The following DRC9 variants were observed in gnomAD, a reference collection of about 807,000 sequenced individuals.
The protein encoded by DRC9 is dynein regulatory complex subunit 9, also known as dynein regulatory complex protein 9.
chr3:197,896,342 A>C, the DRC9 span, among the ~76,000 whole-genome samples: 5 of 130,812 alleles, frequency 3.8e-5, no homozygotes, highest in African/African-American at 1.7e-4. Flanking sequence ...AAACTCCGTT[A>C]AAAAAAAAAA....
the DRC9 span, among the ~76,000 whole-genome samples, chr3:197,938,199 C>T: frequency 6.6e-6 from 1 of 151,766 alleles, no homozygotes; most frequent in African/African-American, 2.4e-5. Flanking sequence ...CACCTGTAAT[C>T]CCAGCTCTTC....
chr3:197,892,862 T>C, the DRC9 span: 2 of 1,437,596 alleles, frequency 1.4e-6, no homozygotes, highest in South Asian at 1.2e-5. Flanking sequence ...GAACATTCCA[T>C]AGTGAGAGAA....
At chr3:197,895,442 T>C in the DRC9 span, among the ~76,000 whole-genome samples, 2 of 152,176 alleles carry the variant, frequency 1.3e-5, no homozygotes, top group Non-Finnish European at 2.9e-5. Context: ...GCTACTTTCT[T>C]GTATTTTTTG....
chr3:197,903,144 A>G, the DRC9 span, among the ~76,000 whole-genome samples: 1 of 152,202 alleles, frequency 6.6e-6, no homozygotes, highest in African/African-American at 2.4e-5. Context: ...GAATGAAACT[A>G]GACTAGACAG....
At chr3:197,918,965 C>T in the DRC9 span, among the ~76,000 whole-genome samples, 1 of 152,032 alleles carries the variant, frequency 6.6e-6, no homozygotes. Flanking sequence ...CCTGCCACTA[C>T]GCTGGGCTAA....
chr3:197,941,234 C>G, the DRC9 span, among the ~76,000 whole-genome samples: 1 of 133,180 alleles, frequency 7.5e-6, no homozygotes, highest in African/African-American at 2.8e-5. Context: ...CCCTTCCCTT[C>G]CCTCTCCCTG....
the DRC9 span, among the ~76,000 whole-genome samples, chr3:197,900,145 C>G: frequency 8.5e-5 from 13 of 152,316 alleles, no homozygotes; most frequent in African/African-American, 2.9e-4. The surrounding 1 kb of genome is among the most constrained non-coding windows in gnomAD (Gnocchi z 4.7). Context: ...CTCAGCATCT[C>G]GGGCTACGCC....
the DRC9 span, chr3:197,956,077 C>T: frequency 1.7e-3 from 621 of 373,312 alleles, 2 homozygotes; most frequent in African/African-American, 0.012. Flanking sequence ...CTCCCTTGGC[C>T]TTTGAAGTAG....
At chr3:197,895,058 T>TAA in the DRC9 span, among the ~76,000 whole-genome samples, 1 of 147,556 alleles carries the variant, frequency 6.8e-6, no homozygotes, top group African/African-American at 2.5e-5. Flanking sequence ...CCCAGTCTCT[T>TAA]AAAAAAAAAA....
chr3:197,937,313 G>C, the DRC9 span, among the ~76,000 whole-genome samples: 1 of 152,132 alleles, frequency 6.6e-6, no homozygotes, highest in Non-Finnish European at 1.5e-5. Flanking sequence ...TTAAAACACA[G>C]TTTGGAATTT....
At chr3:197,893,273 C>G in the DRC9 span, among the ~76,000 whole-genome samples, 2 of 143,088 alleles carry the variant, frequency 1.4e-5, no homozygotes, top group Non-Finnish European at 3.0e-5. Context: ...AGGAGAATCA[C>G]TTGAACCCAG....
the DRC9 span, among the ~76,000 whole-genome samples, chr3:197,901,535 C>T: frequency 6.6e-6 from 1 of 152,242 alleles, no homozygotes; most frequent in African/African-American, 2.4e-5. The surrounding 1 kb of genome is among the most constrained non-coding windows in gnomAD (Gnocchi z 4.4). Flanking sequence ...CAGCATTCAC[C>T]ACAAACTGAC....
the DRC9 span, among the ~76,000 whole-genome samples, chr3:197,905,116 TGG>T: frequency 6.6e-6 from 1 of 152,010 alleles, no homozygotes; most frequent in African/African-American, 2.4e-5. Flanking sequence ...GGTGTGGGGA[TGG>T]TTAATGTGTA....
chr3:197,889,719 A>C, the DRC9 span: 1 of 1,614,154 alleles, frequency 6.2e-7, no homozygotes, highest in Non-Finnish European at 8.5e-7. Context: ...CTGGAGCTGG[A>C]AGAGAAAAGG....
At chr3:197,933,394 T>C in the DRC9 span, among the ~76,000 whole-genome samples, 15 of 152,026 alleles carry the variant, frequency 9.9e-5, no homozygotes, top group Admixed American at 5.3e-4. Flanking sequence ...TGAGCTGAGA[T>C]TGTGCCACTG....
At chr3:197,936,057 G>A in the DRC9 span, among the ~76,000 whole-genome samples, 6 of 151,952 alleles carry the variant, frequency 3.9e-5, no homozygotes, top group African/African-American at 1.4e-4. Context: ...AGACCTGCTC[G>A]GGAGGCTGAA....
At chr3:197,960,083 G>A in the DRC9 span, 9 of 698,320 alleles carry the variant, frequency 1.3e-5, no homozygotes, top group Admixed American at 3.0e-5. Context: ...GGACGTGATC[G>A]CCGCCCTCAT....
the DRC9 span, among the ~76,000 whole-genome samples, chr3:197,951,839 A>AG: frequency 1.3e-5 from 2 of 151,908 alleles, no homozygotes; most frequent in African/African-American, 4.8e-5. Flanking sequence ...CTGGGCTTAC[A>AG]GGGGTGTGCC....
the DRC9 span, among the ~76,000 whole-genome samples, chr3:197,920,928 G>T: frequency 6.6e-6 from 1 of 152,164 alleles, no homozygotes; most frequent in Admixed American, 6.6e-5. Context: ...ACAAAAACCT[G>T]CCATTCTTGT....
Sources: allele counts gnomAD v4.1 joint callset (sites outside exome capture counted in the v4.1 genomes callset), GRCh38; gene constraint gnomAD v4.1.1; non-coding constraint Gnocchi (gnomAD v3.1); transcripts MANE v1.5; gene names NCBI Gene and HGNC (gene_info 2026-07-23, HGNC 2026-07-21).